Variants in ANKRD18B observed in about 807,000 individuals in gnomAD.
The protein encoded by ANKRD18B is ankyrin repeat domain-containing protein 18B.
A neutral mutation model predicts 111.8 loss-of-function variants in ANKRD18B; 75 were observed. The ratio of observed to expected loss-of-function variants is 0.67; its 90% CI spans 0.56 to 0.81. The LOEUF (loss-of-function observed/expected upper bound fraction) is 0.81. Ranked by LOEUF, ANKRD18B falls within the 40% of genes least tolerant of loss-of-function variation. The pLI is 0.00. For synonymous variants in ANKRD18B, 356 were observed against 417.3 expected (o/e 0.85, Z 1.79); for missense variants, 1,038 against 1,225.5 (o/e 0.85, Z 2.28).
chr9:33,524,713 C>G lies in ANKRD18B; in HGVS notation c.206+18C>G. 1 of 1,546,074 alleles carries G rather than the reference C, an allele frequency of 6.5e-7. No individual in the cohort carries two copies. Among genetic ancestry groups the G allele is most frequent in the South Asian group, 1.2e-5 (1 of 83,684 alleles). On this transcript the variant is annotated intron_variant, in intron 1 of 18. Coordinates refer to ENST00000684830, the MANE Select transcript of ANKRD18B (RefSeq NM_001393611.1). ...AAAGACAGGTAGCGGGGGCTCAGCC[C>G]TCGGTGGGAGGGGGCCCCCAGGCCC... is the stretch of plus-strand genomic sequence containing the variant.
chr9:33,548,263 C>T lies in ANKRD18B; in HGVS notation c.1475C>T (p.Ser492Phe). Residue 492 changes from serine (S) to phenylalanine (F), a missense_variant, in exon 11 of 19, where the codon TCC becomes TTC. Coordinates refer to ENST00000684830, the MANE Select transcript of ANKRD18B (RefSeq NM_001393611.1). ...NKERLEAEVE[S>F]LHSNLATAIN... ...GAAAGACTAGAAGCTGAAGTTGAAT[C>T]CCTCCATTCTAACTTGGCCACTGCT... The T allele has an allele frequency of 6.4e-7, 1 of 1,551,048 alleles. No homozygotes were observed. Among genetic ancestry groups the T allele is most frequent in the Non-Finnish European group, 8.7e-7 (1 of 1,146,660 alleles).
intron 13 of ANKRD18B, 53 bp downstream of exon 13, chr9:33,555,873 C>A: frequency 1.7e-6 from 2 of 1,144,160 alleles, no homozygotes; most frequent in Non-Finnish European, 2.3e-6. Flanking sequence ...TGATTTAACT[C>A]TAACTTTACT....
chr9:33,531,906 A>G (rs1302562787), intron 3 of ANKRD18B, among the ~76,000 whole-genome samples: 1 of 152,020 alleles, frequency 6.6e-6, no homozygotes, highest in Non-Finnish European at 1.5e-5. Flanking sequence ...AATATTGCAG[A>G]CATTATATCT....
At chr9:33,560,858 CTG>C (rs1828595862) in intron 14 of ANKRD18B, among the ~76,000 whole-genome samples, 1 of 152,112 alleles carries the variant, frequency 6.6e-6, no homozygotes, top group Non-Finnish European at 1.5e-5. Context: ...ACTCAGGAGA[CTG>C]AGGCAGGAGA....
At chr9:33,532,258 G>C (rs1828128705) in intron 3 of ANKRD18B, among the ~76,000 whole-genome samples, 1 of 151,938 alleles carries the variant, frequency 6.6e-6, no homozygotes, top group African/African-American at 2.4e-5. Context: ...AAAAGTGCAA[G>C]TGACTTATTG....
chr9:33,525,621 T>G (rs1404138275), intron 1 of ANKRD18B, among the ~76,000 whole-genome samples: 1 of 152,006 alleles, frequency 6.6e-6, no homozygotes, highest in African/African-American at 2.4e-5. Context: ...AACAGTGGCC[T>G]TCCTAAGAAT....
At chr9:33,540,236 G>A (rs1278791790) in intron 8 of ANKRD18B, 24 bp downstream of exon 8, 1 of 151,662 alleles carries the variant, frequency 6.6e-6, no homozygotes, top group Non-Finnish European at 1.5e-5. Flanking sequence ...TTTTAGTAGA[G>A]ACAGGGTTTC....
Position 33,548,801 on chromosome 9 carries a change from T to C in ANKRD18B, c.2013T>C (p.Tyr671=). The change falls in exon 11 of 19, where the codon TAT becomes TAC. Residue 671 remains tyrosine, a synonymous_variant. Coordinates refer to ENST00000684830, the MANE Select transcript of ANKRD18B (RefSeq NM_001393611.1). ...GAAATAAGGAATTAATGAATGAATA[T>C]AATTATTTAAAAGAAAAACTGCTTC... ...EERNKELMNE[Y]NYLKEKLLQY... is the part of the protein sequence containing the mutation. 2 of 1,519,168 alleles carry C rather than the reference T, an allele frequency of 1.3e-6. No homozygotes were observed. The highest frequency in any genetic ancestry group is 1.4e-5 in the African/African-American group (1 of 71,384). The allele number at this position is 1,519,168 out of a possible 1,614,324, so 94.1% of individuals were successfully genotyped here. A position where few individuals can be genotyped will look rare whatever the true frequency, so the allele number is the denominator to read the frequency against.
At chr9:33,549,934 G>A (rs552791533) in intron 11 of ANKRD18B, among the ~76,000 whole-genome samples, 4 of 152,100 alleles carry the variant, frequency 2.6e-5, no homozygotes, top group African/African-American at 7.2e-5. Context: ...ACTTTTAGCT[G>A]TCTGTGATTT....
intron 17 of ANKRD18B, 43 bp downstream of exon 17, chr9:33,568,936 A>C (rs1417075115): frequency 2.1e-6 from 3 of 1,452,406 alleles, no homozygotes; most frequent in Middle Eastern, 2.4e-4. Flanking sequence ...CATTTCTCTA[A>C]TATAATTCTT....
At chr9:33,556,910 T>G (rs1828535703) in intron 13 of ANKRD18B, among the ~76,000 whole-genome samples, 2 of 152,174 alleles carry the variant, frequency 1.3e-5, no homozygotes, top group African/African-American at 4.8e-5. Context: ...GAAATAAATT[T>G]TATATATAGA....
intron 13 of ANKRD18B, among the ~76,000 whole-genome samples, chr9:33,556,869 A>G (rs190980563): frequency 1.4e-4 from 21 of 152,308 alleles, no homozygotes; most frequent in Admixed American, 1.2e-3. Flanking sequence ...GTATACATGA[A>G]GTATACATCT....
At chr9:33,541,888 C>T (rs1394850883) in intron 9 of ANKRD18B, among the ~76,000 whole-genome samples, 1 of 152,160 alleles carries the variant, frequency 6.6e-6, no homozygotes, top group Non-Finnish European at 1.5e-5. Flanking sequence ...TCTCTGTCTG[C>T]CCCTTTTTCT....
chr9:33,567,153 G>A lies in ANKRD18B; in HGVS notation c.2793G>A (p.Thr931=), dbSNP rs141182994. 24,703 of 1,547,018 alleles carry A rather than the reference G, an allele frequency of 0.016. 771 individuals are homozygous for A. The highest frequency in any genetic ancestry group is 0.1 in the African/African-American group (7,588 of 72,698). ...TAGAGCAGTTAAACAAGGATAATAC[G>A]GCTTCACTAAAAAAGAAGGAACTCA... is the stretch of plus-strand genomic sequence containing the variant. ...KQLEQLNKDN[T]ASLKKKELTL... is the part of the protein sequence containing the mutation. The change falls in exon 16 of 19, where the codon ACG becomes ACA. Residue 931 remains threonine (T), a synonymous_variant. Transcript: ENST00000684830.
downstream of ANKRD18B, chr9:33,573,436 A>G (rs1206001487): frequency 7.7e-6 from 3 of 392,042 alleles, no homozygotes; most frequent in East Asian, 3.5e-4. Context: ...GCCCTGGGAG[A>G]CCCAGCAGCA....
At chr9:33,568,998 G>C in intron 17 of ANKRD18B, 105 bp downstream of exon 17, 1 of 1,089,870 alleles carries the variant, frequency 9.2e-7, no homozygotes, top group African/African-American at 1.6e-5. Context: ...TGCATGTTAA[G>C]TAAAGATTAT....
chr9:33,558,158 G>A lies in ANKRD18B; in HGVS notation c.2431G>A (p.Asp811Asn), dbSNP rs1247064039. The stretch of plus-strand genomic sequence containing the variant: ...CTTAAATACAGACCAACTGAAAATG[G>A]ATATTCTGTTTAAGAAGCTAAAACA... ...GDLNTDQLKM[D>N]ILFKKLKQKF... The change falls in exon 14 of 19, where the codon GAT (aspartate) becomes AAT (asparagine). Residue 811 changes from aspartate (D) to asparagine (N), a missense_variant. By Grantham distance (23) the Asp-to-Asn change is conservative. Transcript: ENST00000684830. 6.2e-7 allele frequency: 1 copy of A among 1,610,438 alleles called. No individual in the cohort carries two copies.
intron 8 of ANKRD18B, among the ~76,000 whole-genome samples, chr9:33,540,915 G>GTAGA (rs1319103380): frequency 1.2e-4 from 18 of 152,182 alleles, no homozygotes; most frequent in Admixed American, 6.5e-4. Context: ...GACCCATTAT[G>GTAGA]TAGAGGATAG....
intron 17 of ANKRD18B, 21 bp from the exon 18 acceptor site, chr9:33,571,225 T>TA (rs370854284): frequency 4.4e-4 from 282 of 636,800 alleles, no homozygotes; most frequent in South Asian, 8.0e-4. Flanking sequence ...TTATTATTAT[T>TA]TTTTTTTTTA....
Sources: gnomAD v4.1 joint callset for allele counts (sites outside exome capture counted in the v4.1 genomes callset) on GRCh38, gnomAD v4.1.1 for gene constraint, MANE v1.5 for transcripts, NCBI Gene and HGNC (gene_info 2026-07-23, HGNC 2026-07-21) for gene names.